The following POLI variants were observed in gnomAD, a reference collection of about 807,000 sequenced individuals.
POLI encodes DNA polymerase iota.
In POLI, 58 loss-of-function variants were observed where a neutral mutation model predicts 51.6. The ratio of observed to expected loss-of-function variants is 1.12; its 90% CI spans 0.91 to 1.40. The LOEUF (loss-of-function observed/expected upper bound fraction) is 1.40. Among genes scored for constraint, POLI ranks in the 40% most tolerant of loss-of-function variants. The pLI is 0.00. For missense variants in POLI, 921 were observed against 871.3 expected, an observed-to-expected ratio of 1.06 and a Z score of -0.72; for synonymous variants, 322 against 299.7, an observed-to-expected ratio of 1.07 and a Z score of -0.77.
At chr18:54,316,866 G>A (rs1042837515) in intron 3 of POLI, among the ~76,000 whole-genome samples, 13 of 152,148 alleles carry the variant, frequency 8.5e-5, no homozygotes, top group African/African-American at 2.9e-4. Context: ...GCACTTAACT[G>A]CATTAGATTA....
rs2088239750 is a variant in POLI, at chr18:54,294,942, A to C, written c.*475A>C. The C allele has an allele frequency of 1.0e-6, 1 of 977,070 alleles. No homozygotes were observed. Among genetic ancestry groups the C allele is most frequent in the African/African-American group, 1.8e-5 (1 of 57,054 alleles). The allele number at this position is 977,070 out of a possible 1,614,324, so 60.5% of individuals were successfully genotyped here. A position where few individuals can be genotyped will look rare whatever the true frequency, so the allele number is the denominator to read the frequency against. On this transcript the variant is annotated 3_prime_UTR_variant, in exon 10 of 10. Coordinates refer to ENST00000579534, the MANE Select transcript of POLI (RefSeq NM_007195.3). ...AGTTTTGACTAAAGTACTACATTAC[A>C]TTTAGTATGTTGACTTTTAAAATAC... is the stretch of plus-strand genomic sequence containing the variant.
At chr18:54,271,221 G>C in intron 1 of POLI, 139 bp from the exon 2 acceptor site, 1 of 617,802 alleles carries the variant, frequency 1.6e-6, no homozygotes. Flanking sequence ...GTAATTTTTC[G>C]ATGCTTTCAC....
intron 9 of POLI, 24 bp downstream of exon 9, chr18:54,292,062 G>A (rs1351175365): frequency 2.9e-6 from 4 of 1,389,656 alleles, no homozygotes; most frequent in East Asian, 4.6e-5. Flanking sequence ...TTTTTGTTCA[G>A]TTTTCTAAGT....
chr18:54,270,770 C>G (rs1404431249), intron 1 of POLI: 3 of 152,172 alleles, frequency 2.0e-5, no homozygotes, highest in African/African-American at 7.2e-5. Flanking sequence ...AATCAAAGAA[C>G]TATTCAGTCT....
At position 54,293,713 on chromosome 18, in the gene POLI, C is replaced by G; in HGVS notation, c.1469C>G (p.Pro490Arg). 1 of 1,598,474 alleles carries G rather than the reference C, an allele frequency of 6.3e-7. No homozygotes were observed. The highest frequency in any genetic ancestry group is 8.5e-7 in the Non-Finnish European group (1 of 1,173,826). ...KDKETNRDFL[P>R]SGRIESTRTR... ...AAAGAAACAAACCGGGATTTCCTAC[C>G]AAGTGGAAGAATTGAAAGTACAAGA... is the stretch of plus-strand genomic sequence containing the variant. Residue 490 changes from proline (P) to arginine (R), a missense_variant, in exon 10 of 10, where the codon CCA (proline) becomes CGA (arginine). Physicochemically the swap from Pro to Arg is moderately radical, Grantham distance 103. Coordinates refer to ENST00000579534, the MANE Select transcript of POLI (RefSeq NM_007195.3).
intron 3 of POLI, among the ~76,000 whole-genome samples, chr18:54,276,927 T>C (rs2087268977): frequency 6.6e-6 from 1 of 152,222 alleles, no homozygotes; most frequent in South Asian, 2.1e-4. Context: ...TTGTTTTCTC[T>C]TATCCAGCTG....
intron 2 of POLI, among the ~76,000 whole-genome samples, chr18:54,272,706 A>G (rs2144442479): frequency 6.6e-6 from 1 of 151,348 alleles, no homozygotes; most frequent in East Asian, 1.9e-4. Flanking sequence ...GCTTGAATTC[A>G]GGCGATCCAC....
Position 54,273,913 on chromosome 18 carries a change from A to G in POLI, c.242-13A>G, listed in dbSNP as rs1440765491. ...CAATTGTGCTTGGGTTTCTCATAAA[A>G]TATTTTTTACAGGGGTTCAACAGAA... On this transcript the variant is annotated splice_polypyrimidine_tract_variant and intron_variant, in intron 2 of 9. Transcript: ENST00000579534. The G allele has an allele frequency of 2.0e-6, 3 of 1,467,190 alleles. No individual in the cohort carries two copies. In the Admixed American group the frequency reaches 7.4e-5, roughly 36 times the overall value. The allele number at this position is 1,467,190 out of a possible 1,614,324, so 90.9% of individuals were successfully genotyped here. A position where few individuals can be genotyped will look rare whatever the true frequency, so the allele number is the denominator to read the frequency against.
In POLI at chr18:54,291,846, G is replaced by A; in HGVS notation, c.1212G>A (p.Val404=). Residue 404 remains valine, a synonymous_variant, in exon 9 of 10, where the codon GTG becomes GTA. Coordinates refer to ENST00000579534, the MANE Select transcript of POLI (RefSeq NM_007195.3). ...IQKLGTGNYD[V]MTPMVDILMK... is the part of the protein sequence containing the mutation. ...CATTTTATTTAGGAAATTATGATGT[G>A]ATGACCCCAATGGTTGATATACTTA... The A allele has an allele frequency of 6.5e-7, 1 of 1,538,220 alleles. No individual in the cohort carries two copies. Among genetic ancestry groups the A allele is most frequent in the Non-Finnish European group, 9.0e-7 (1 of 1,114,638 alleles).
chr18:54,306,167 A>G (rs1011217978), intron 3 of POLI, among the ~76,000 whole-genome samples: 4 of 152,166 alleles, frequency 2.6e-5, no homozygotes, highest in Non-Finnish European at 2.9e-5. Flanking sequence ...TTCAAAGGGA[A>G]TGCTTCCAGT....
At chr18:54,301,020 CTGTAA>C (rs1217380114), downstream of POLI, among the ~76,000 whole-genome samples, 1 of 152,146 alleles carries the variant, frequency 6.6e-6, no homozygotes, top group African/African-American at 2.4e-5. Context: ...TGGCTCACAC[CTGTAA>C]TCCCAACACT....
At chr18:54,319,420 T>C (rs1243072882) in intron 3 of POLI, among the ~76,000 whole-genome samples, 2 of 152,168 alleles carry the variant, frequency 1.3e-5, no homozygotes, top group Non-Finnish European at 2.9e-5. Flanking sequence ...TAAATAGTCT[T>C]GATAATTTCT....
chr18:54,271,076 G>C, intron 1 of POLI: 1 of 235,816 alleles, frequency 4.2e-6, no homozygotes, highest in Non-Finnish European at 8.2e-6. Flanking sequence ...CCAGGTGATA[G>C]TATTAGCTCT....
At chr18:54,289,836 A>G (rs985029843) in intron 8 of POLI, among the ~76,000 whole-genome samples, 1 of 152,182 alleles carries the variant, frequency 6.6e-6, no homozygotes, top group Non-Finnish European at 1.5e-5. Context: ...CTCAAGATGG[A>G]TTAAAGACTT....
At chr18:54,308,285 A>T (rs1263454114) in intron 3 of POLI, among the ~76,000 whole-genome samples, 1 of 152,148 alleles carries the variant, frequency 6.6e-6, no homozygotes, top group East Asian at 1.9e-4. Context: ...TGGTGGTGAC[A>T]ACATCTCTCA....
chr18:54,277,099 T>G (rs2087277792), intron 3 of POLI, among the ~76,000 whole-genome samples: 1 of 152,198 alleles, frequency 6.6e-6, no homozygotes. Context: ...GACTAGATAT[T>G]GTGCTAGACG....
At chr18:54,311,938 T>C (rs1305977157) in intron 3 of POLI, among the ~76,000 whole-genome samples, 1 of 152,208 alleles carries the variant, frequency 6.6e-6, no homozygotes, top group East Asian at 1.9e-4. Flanking sequence ...AACATCTGAA[T>C]ATTCACTTTC....
chr18:54,311,184 C>A, intron 3 of POLI: 1 of 764,590 alleles, frequency 1.3e-6, no homozygotes, highest in Non-Finnish European at 1.6e-6. Context: ...AATTGTAACC[C>A]AGTGATAAGG....
intron 1 of POLI, 121 bp from the exon 2 acceptor site, chr18:54,271,239 C>G (rs1164346889): frequency 1.3e-6 from 1 of 772,676 alleles, no homozygotes. Flanking sequence ...CACACATAAT[C>G]CAGGAGAAAA....
Sources: gnomAD v4.1 joint callset for allele counts (sites outside exome capture counted in the v4.1 genomes callset) on GRCh38, gnomAD v4.1.1 for gene constraint, MANE v1.5 for transcripts, NCBI Gene and HGNC (gene_info 2026-07-23, HGNC 2026-07-21) for gene names.